The following THUMPD2 variants were observed in gnomAD, a reference collection of about 807,000 sequenced individuals.
THUMPD2 encodes the protein THUMP domain 2 tRNA and snRNA guanosine methyltransferase.
A neutral mutation model predicts 49.4 loss-of-function variants in THUMPD2; 56 were observed. That is an observed-to-expected ratio of 1.13 (90% CI 0.91 to 1.41). The LOEUF is 1.41. Ranked by LOEUF, THUMPD2 falls within the 40% of genes most tolerant of loss-of-function variation. The probability of loss-of-function intolerance (pLI) is 0.00; values close to 1 mark genes in which losing one functional copy is unlikely to be tolerated. For synonymous variants in THUMPD2, 237 were observed against 205.2 expected (o/e 1.15, Z -1.32); for missense variants, 709 against 594.5 (o/e 1.19, Z -2.00).
chr2:39,738,339 G>A (rs1278093702), intron 9 of THUMPD2, among the ~76,000 whole-genome samples: 1 of 152,160 alleles, frequency 6.6e-6, no homozygotes, highest in Non-Finnish European at 1.5e-5. Context: ...CAGGTGGGAG[G>A]ATCGCTTGAG....
At chr2:39,756,300 G>A (rs75395392) in intron 6 of THUMPD2, among the ~76,000 whole-genome samples, 4,035 of 152,060 alleles carry the variant, frequency 0.027, 172 homozygotes, top group African/African-American at 0.091. Flanking sequence ...ATTCTGGTAT[G>A]CTGGTAGACT....
At chr2:39,745,149 A>G (rs1482836668) in intron 8 of THUMPD2, among the ~76,000 whole-genome samples, 2 of 152,154 alleles carry the variant, frequency 1.3e-5, no homozygotes, top group African/African-American at 2.4e-5. Flanking sequence ...TACTTATTTT[A>G]CTTCTCATCC....
chr2:39,762,877 C>G (rs1029689260), intron 5 of THUMPD2, among the ~76,000 whole-genome samples: 2 of 151,442 alleles, frequency 1.3e-5, no homozygotes, highest in Non-Finnish European at 2.9e-5. Context: ...TGGAACCTTT[C>G]AAAGTTTCAA....
chr2:39,754,883 C>T (rs1675889409), intron 8 of THUMPD2, among the ~76,000 whole-genome samples: 1 of 152,196 alleles, frequency 6.6e-6, no homozygotes, highest in Non-Finnish European at 1.5e-5. Flanking sequence ...CTCACGGATA[C>T]TGTCTAATGT....
intron 5 of THUMPD2, among the ~76,000 whole-genome samples, chr2:39,765,026 GTTATA>G (rs1172609914): frequency 2.0e-5 from 3 of 152,000 alleles, no homozygotes; most frequent in Non-Finnish European, 4.4e-5. Flanking sequence ...TTAATATAAA[GTTATA>G]TTAGTTAAAT....
rs138087315 is a variant in THUMPD2 at position 39,736,967 on chromosome 2, T to C, written c.1280A>G (p.Asn427Ser). The change falls in exon 10 of 10, where the codon AAT becomes AGT. Residue 427 changes from asparagine (N) to serine (S), a missense_variant. Physicochemically the swap from Asn to Ser is conservative, Grantham distance 46. Coordinates refer to ENST00000505747, the MANE Select transcript of THUMPD2 (RefSeq NM_025264.5). The stretch of plus-strand genomic sequence containing the variant: ...TTCATCTGTGTGACTGTCCTTGGAA[T>C]TGAAAGGGATGTTGCTCTCTTTACA... ...TDCKESNIPF[N>S]SKDSHTDEPG... 59 of 1,614,018 alleles carry C rather than the reference T, an allele frequency of 3.7e-5. No individual in the cohort carries two copies. In the African/African-American group the frequency reaches 4.9e-4, roughly 14 times the overall value.
At chr2:39,747,495 TGAACA>T (rs1443539939) in intron 8 of THUMPD2, among the ~76,000 whole-genome samples, 89 of 152,298 alleles carry the variant, frequency 5.8e-4, no homozygotes, top group African/African-American at 2.1e-3. Flanking sequence ...ATAGTCCAAA[TGAACA>T]TTTCTGAGAA....
intron 6 of THUMPD2, among the ~76,000 whole-genome samples, chr2:39,758,517 C>A (rs927539700): frequency 6.6e-6 from 1 of 152,068 alleles, no homozygotes; most frequent in Non-Finnish European, 1.5e-5. Flanking sequence ...AGCAGTGGAA[C>A]CCAGAGGGGA....
chr2:39,740,628 T>A (rs11124691), intron 9 of THUMPD2, among the ~76,000 whole-genome samples: 65,269 of 151,862 alleles, frequency 0.43, 15,089 homozygotes, highest in East Asian at 0.75. Context: ...TCTTTTTTTT[T>A]ATTTTTTTAG....
At chr2:39,752,741 AG>A (rs1381660973) in intron 8 of THUMPD2, among the ~76,000 whole-genome samples, 2 of 152,200 alleles carry the variant, frequency 1.3e-5, no homozygotes, top group Non-Finnish European at 2.9e-5. Flanking sequence ...AATATGAAAA[AG>A]TTTATCTCAG....
chr2:39,773,455 G>T (rs1020693035), intron 1 of THUMPD2, among the ~76,000 whole-genome samples: 1 of 150,062 alleles, frequency 6.7e-6, no homozygotes, highest in Non-Finnish European at 1.5e-5. Flanking sequence ...TTACTTATTT[G>T]TACAAAGATC....
In THUMPD2 at chr2:39,768,732, G is replaced by A. The variant is rs576796736; in HGVS notation, c.673-231C>T. On this transcript the variant is annotated intron_variant, in intron 3 of 9. Coordinates refer to ENST00000505747, the MANE Select transcript of THUMPD2 (RefSeq NM_025264.5). ...CCCCATGGCATTAATGTCTACTCAT[G>A]CATAATCTCTATCCTTGTAATTTTA... is the stretch of plus-strand genomic sequence containing the variant. The A allele has an allele frequency of 1.2e-5, 8 of 693,996 alleles. No individual in the cohort carries two copies. The African/African-American group carries it at 1.3e-4, about 11-fold the overall frequency. 43.0% of individuals were successfully genotyped at this position (693,996 alleles called of 1,614,324 possible). A position where few individuals can be genotyped will look rare whatever the true frequency, so the allele number is the denominator to read the frequency against.
intron 1 of THUMPD2, among the ~76,000 whole-genome samples, chr2:39,777,615 T>C (rs1326537441): frequency 1.3e-5 from 2 of 152,240 alleles, no homozygotes; most frequent in Non-Finnish European, 2.9e-5. Context: ...GCCTTAACTT[T>C]GAGAGTTCAC....
Position 39,779,153 on chromosome 2 carries a change from G to T in THUMPD2, c.87C>A (p.Phe29Leu). 2 of 1,519,782 alleles carry T rather than the reference G, an allele frequency of 1.3e-6. No homozygotes were observed. The highest frequency in any genetic ancestry group is 1.8e-6 in the Non-Finnish European group (2 of 1,139,508). The allele number at this position is 1,519,782 out of a possible 1,614,324, so 94.1% of individuals were successfully genotyped here. A position where few individuals can be genotyped will look rare whatever the true frequency, so the allele number is the denominator to read the frequency against. Reference sequence around the variant, plus strand: ...GCCGCGCCCGCACCTCTCGCATTACGAACGGCTCCAGGCCGCGACCCGCAG... The same window carrying T: ...GCCGCGCCCGCACCTCTCGCATTACTAACGGCTCCAGGCCGCGACCCGCAG... ...FCTAGRGLEP[F>L]VMREVRARLA... Residue 29 changes from phenylalanine to leucine, a missense_variant, in exon 1 of 10, where the codon TTC becomes TTA. Physicochemically the swap from Phe to Leu is conservative, Grantham distance 22 (BLOSUM62 0). Transcript: ENST00000505747.
At position 39,737,086 on chromosome 2, in the gene THUMPD2, C is replaced by G. The variant is rs770919954; in HGVS notation, c.1188-27G>C. The G allele has an allele frequency of 3.8e-6, 6 of 1,561,776 alleles. No homozygotes were observed. The East Asian group carries it at 1.1e-4, about 29-fold the overall frequency. ...TGTGACAAAAAAAAAATGGTAATTGCTATCTTTCTCCTTTCTAGACAACAA... is the reference window on the plus strand; with the variant it reads ...TGTGACAAAAAAAAAATGGTAATTGGTATCTTTCTCCTTTCTAGACAACAA... On this transcript the variant is annotated intron_variant, in intron 9 of 9. Transcript: ENST00000505747.
Position 39,768,440 on chromosome 2 carries a change from C to T in THUMPD2, c.734G>A (p.Arg245Lys), listed in dbSNP as rs1338129553. Residue 245 changes from arginine to lysine, a missense_variant, in exon 4 of 10, where the codon AGG becomes AAG. Coordinates refer to ENST00000505747, the MANE Select transcript of THUMPD2 (RefSeq NM_025264.5). ...MKHFGWKADL[R>K]NPQLEIFIHL... ...ACTCATTACCTCTAATTGTGGATTC[C>T]TCAAGTCTGCTTTCCATCCAAAGTG... is the stretch of plus-strand genomic sequence containing the variant. 34 of 1,612,356 alleles carry T rather than the reference C, an allele frequency of 2.1e-5. No homozygotes were observed. The highest frequency in any genetic ancestry group is 2.3e-5 in the Non-Finnish European group (27 of 1,179,368).
chr2:39,776,946 T>C (rs1679191171), intron 1 of THUMPD2, among the ~76,000 whole-genome samples: 1 of 152,200 alleles, frequency 6.6e-6, no homozygotes, highest in South Asian at 2.1e-4. Context: ...TTCATGAAAA[T>C]TGGAAAAACA....
Position 39,747,395 on chromosome 2 carries a change from G to C in THUMPD2, c.1079-2917C>G, listed in dbSNP as rs529917429. Among the ~76,000 whole-genome samples the C allele has an allele frequency of 4.6e-5, 7 of 152,114 alleles. No individual in the cohort carries two copies. In the South Asian group the frequency reaches 1.5e-3, roughly 32 times the overall value. Reference sequence around the variant, plus strand: ...GGCGTAAAGCTTTCAATGAAATTTTGATCTGTCATCTTAATCAAGAAGTCC... The same window carrying C: ...GGCGTAAAGCTTTCAATGAAATTTTCATCTGTCATCTTAATCAAGAAGTCC... On this transcript the variant is annotated intron_variant, in intron 8 of 9. Coordinates refer to ENST00000505747, the MANE Select transcript of THUMPD2 (RefSeq NM_025264.5).
intron 8 of THUMPD2, among the ~76,000 whole-genome samples, chr2:39,754,954 G>T (rs1675898172): frequency 6.6e-6 from 1 of 152,078 alleles, no homozygotes; most frequent in African/African-American, 2.4e-5. Flanking sequence ...GAAATTCAAA[G>T]AATTATTATT....
Sources: gnomAD v4.1 joint callset for allele counts (sites outside exome capture counted in the v4.1 genomes callset) on GRCh38, gnomAD v4.1.1 for gene constraint, MANE v1.5 for transcripts, NCBI Gene and HGNC (gene_info 2026-07-23, HGNC 2026-07-21) for gene names.